RORA: variants seen among roughly 807,000 people sequenced by gnomAD.
RORA encodes the protein nuclear receptor ROR-alpha.
In RORA, 7 loss-of-function variants were observed where a neutral mutation model predicts 69.5. The observed-to-expected ratio is 0.10, with a 90% CI of 0.06 to 0.19. The LOEUF (loss-of-function observed/expected upper bound fraction) is 0.19, where lower values mean the gene tolerates loss of function less well. Ranked by LOEUF, RORA falls within the 10% of genes least tolerant of loss-of-function variation. RORA has a pLI of 1.00. For missense variants in RORA, 457 were observed against 663.0 expected (o/e 0.69, Z 3.41); for synonymous variants, 261 against 240.8 (o/e 1.08, Z -0.78).
intron 1 of RORA, among the ~76,000 whole-genome samples, chr15:60,787,616 T>G (rs905439022): frequency 4.6e-5 from 7 of 152,226 alleles, no homozygotes; most frequent in African/African-American, 1.7e-4. Context: ...CCAGGCCCTG[T>G]GAGAGATACT....
chr15:60,673,683 T>C (rs780117656), intron 2 of RORA, among the ~76,000 whole-genome samples: 2 of 152,244 alleles, frequency 1.3e-5, no homozygotes, highest in Non-Finnish European at 1.5e-5. Context: ...ATGGAACTGG[T>C]ACACCTGGCA....
intron 1 of RORA, among the ~76,000 whole-genome samples, chr15:61,033,864 T>C (rs1159607673): frequency 1.3e-5 from 2 of 151,670 alleles, no homozygotes; most frequent in Non-Finnish European, 2.9e-5. Context: ...AGCCCAGAAC[T>C]TTGAGACCAG....
intron 2 of RORA, among the ~76,000 whole-genome samples, chr15:60,623,049 C>A (rs1201084891): frequency 1.3e-5 from 2 of 152,218 alleles, no homozygotes; most frequent in African/African-American, 4.8e-5. Context: ...GTTGCAGCTA[C>A]CCAGTGAGAC....
At chr15:61,056,006 A>C (rs2078091297) in intron 1 of RORA, among the ~76,000 whole-genome samples, 1 of 152,242 alleles carries the variant, frequency 6.6e-6, no homozygotes, top group Non-Finnish European at 1.5e-5. Flanking sequence ...GTTTACAAGC[A>C]ATAAACAACT....
intron 1 of RORA, among the ~76,000 whole-genome samples, chr15:60,924,913 T>A (rs956164651): frequency 6.6e-6 from 1 of 151,872 alleles, no homozygotes; most frequent in African/African-American, 2.4e-5. Flanking sequence ...ACCCCATCTC[T>A]ACTAAAAATA....
chr15:60,850,230 C>G (rs1354615383), intron 1 of RORA, among the ~76,000 whole-genome samples: 1 of 152,154 alleles, frequency 6.6e-6, no homozygotes, highest in Non-Finnish European at 1.5e-5. Flanking sequence ...GCTCCTCCAG[C>G]CCAAAGATGA....
intron 1 of RORA, among the ~76,000 whole-genome samples, chr15:61,133,358 G>A (rs1043462321): frequency 6.6e-6 from 1 of 152,088 alleles, no homozygotes; most frequent in Non-Finnish European, 1.5e-5. Context: ...AAGACTTAAG[G>A]TAATGATTGG....
chr15:61,216,626 T>G (rs1191907581), intron 1 of RORA, among the ~76,000 whole-genome samples: 2 of 152,016 alleles, frequency 1.3e-5, no homozygotes, highest in East Asian at 3.9e-4. Context: ...CCAGCCTCAG[T>G]GCCTGGATGG....
intron 2 of RORA, among the ~76,000 whole-genome samples, chr15:60,558,880 A>C (rs2067450068): frequency 6.6e-6 from 1 of 152,202 alleles, no homozygotes; most frequent in African/African-American, 2.4e-5. Flanking sequence ...CCCTGTATCT[A>C]AAACGGTTCC....
At chr15:60,597,810 T>G (rs779421100) in intron 2 of RORA, among the ~76,000 whole-genome samples, 8 of 150,640 alleles carry the variant, frequency 5.3e-5, no homozygotes, top group Non-Finnish European at 1.2e-4. Flanking sequence ...AGGAACTGAC[T>G]GCAACGGGCC....
At chr15:60,640,904 T>C (rs959917234) in intron 2 of RORA, among the ~76,000 whole-genome samples, 3 of 152,178 alleles carry the variant, frequency 2.0e-5, no homozygotes, top group African/African-American at 7.2e-5. Context: ...TTTTCTGTTT[T>C]CCCCCATGAG....
At chr15:61,164,402 T>C (rs1164952254) in intron 1 of RORA, among the ~76,000 whole-genome samples, 2 of 152,220 alleles carry the variant, frequency 1.3e-5, no homozygotes, top group African/African-American at 4.8e-5. Context: ...GTAAAAAGCT[T>C]GTTTTTCCTG....
chr15:60,914,472 G>A (rs1341227139), intron 1 of RORA, among the ~76,000 whole-genome samples: 1 of 152,184 alleles, frequency 6.6e-6, no homozygotes, highest in Admixed American at 6.5e-5. Context: ...TCTATTTGTG[G>A]TTTATGGAAT....
At chr15:60,546,736 C>T (rs1268576740) in intron 2 of RORA, among the ~76,000 whole-genome samples, 1 of 152,190 alleles carries the variant, frequency 6.6e-6, no homozygotes, top group African/African-American at 2.4e-5. Context: ...TTTGCTGAGC[C>T]TGGAAACAGG....
At chr15:60,946,374 TC>T (rs1426031353) in intron 1 of RORA, among the ~76,000 whole-genome samples, 2 of 152,176 alleles carry the variant, frequency 1.3e-5, no homozygotes, top group Non-Finnish European at 2.9e-5. Context: ...CCTGCCTGAT[TC>T]TTCTGCCTCA....
At chr15:60,928,211 C>A (rs1162272672) in intron 1 of RORA, among the ~76,000 whole-genome samples, 3 of 152,184 alleles carry the variant, frequency 2.0e-5, no homozygotes, top group Non-Finnish European at 4.4e-5. Flanking sequence ...CTCACATGAG[C>A]CTTTTGCAAC....
At chr15:60,785,005 A>G (rs1249245270) in intron 1 of RORA, among the ~76,000 whole-genome samples, 2 of 152,144 alleles carry the variant, frequency 1.3e-5, no homozygotes. Flanking sequence ...CCCCCAACCC[A>G]AGGATGTGGA....
chr15:60,986,899 G>A (rs1894219702), intron 1 of RORA, among the ~76,000 whole-genome samples: 1 of 152,152 alleles, frequency 6.6e-6, no homozygotes, highest in African/African-American at 2.4e-5. Flanking sequence ...CTGACACCTT[G>A]ATTCAACACA....
At chr15:60,558,368 C>T in intron 2 of RORA, 1 of 1,079,282 alleles carries the variant, frequency 9.3e-7, no homozygotes, top group East Asian at 2.5e-5. Flanking sequence ...TAGTTGGCCA[C>T]TGCCTTGTTT....
Sources: gnomAD v4.1 joint callset for allele counts (sites outside exome capture counted in the v4.1 genomes callset) on GRCh38, gnomAD v4.1.1 for gene constraint, MANE v1.5 for transcripts, NCBI Gene and HGNC (gene_info 2026-07-23, HGNC 2026-07-21) for gene names.